The following NLRP4 variants were observed in gnomAD, a reference collection of about 807,000 sequenced individuals.
NLRP4 encodes the protein NACHT, LRR and PYD domains-containing protein 4.
A neutral mutation model predicts 84.7 loss-of-function variants in NLRP4; 44 were observed. That is an observed-to-expected ratio of 0.52 (90% CI 0.41 to 0.67). The LOEUF (loss-of-function observed/expected upper bound fraction) is 0.67, where lower values mean the gene tolerates loss of function less well. Ranked by LOEUF, NLRP4 falls within the 30% of genes least tolerant of loss-of-function variation. The probability of loss-of-function intolerance (pLI) is 0.00; values close to 1 mark genes in which losing one functional copy is unlikely to be tolerated. For missense variants in NLRP4, 1,260 were observed against 1,219.4 expected (o/e 1.03, Z -0.50); for synonymous variants, 544 against 476.4 (o/e 1.14, Z -1.85).
intron 1 of NLRP4, among the ~76,000 whole-genome samples, chr19:55,849,664 G>A (rs555443451): frequency 1.3e-5 from 2 of 152,260 alleles, no homozygotes; most frequent in Non-Finnish European, 1.5e-5. Flanking sequence ...GTCAAAATGA[G>A]TTGGCTACAT....
In NLRP4 at chr19:55,858,512, C is replaced by G; in HGVS notation, c.1119C>G (p.Ser373=). 6.2e-7 allele frequency: 1 copy of G among 1,614,154 alleles called. No individual in the cohort carries two copies. The highest frequency in any genetic ancestry group is 8.5e-7 in the Non-Finnish European group (1 of 1,180,022). The part of the protein sequence containing the change: ...LTCQSTTSVY[S]SFVFNLFTPE... Reference sequence around the variant, plus strand: ...GCCAGAGCACTACCTCTGTGTACTCCTCTTTCGTCTTTAACCTGTTCACAC... The same window carrying G: ...GCCAGAGCACTACCTCTGTGTACTCGTCTTTCGTCTTTAACCTGTTCACAC... The change falls in exon 3 of 10, where the codon TCC becomes TCG. Residue 373 remains serine, a synonymous_variant. Transcript: ENST00000301295. This position sits in a 1 kb window ranked among gnomAD's most constrained non-coding sequence, Gnocchi z 4.2.
intron 3 of NLRP4, among the ~76,000 whole-genome samples, chr19:55,860,326 C>T (rs1984700153): frequency 6.6e-6 from 1 of 152,176 alleles, no homozygotes; most frequent in Admixed American, 6.5e-5. Flanking sequence ...CCTATAACCC[C>T]AACACTTTGA....
At chr19:55,851,732 G>A (rs558701430) in intron 1 of NLRP4, among the ~76,000 whole-genome samples, 4 of 149,666 alleles carry the variant, frequency 2.7e-5, no homozygotes, top group East Asian at 3.9e-4. Flanking sequence ...TGTAATTTCC[G>A]AAGCTGCGGT....
At chr19:55,849,994 A>AG (rs1568658330) in intron 1 of NLRP4, among the ~76,000 whole-genome samples, 372 of 10,218 alleles carry the variant, frequency 0.036, 14 homozygotes, top group Non-Finnish European at 0.054. Context: ...AATTTCCGAG[A>AG]CTGCGGTGTG....
intron 1 of NLRP4, among the ~76,000 whole-genome samples, chr19:55,839,168 C>T (rs1983508462): frequency 4.6e-5 from 7 of 152,030 alleles, no homozygotes; most frequent in Admixed American, 4.6e-4. Context: ...GAATGTTCCC[C>T]TCCCTGTGTC....
intron 1 of NLRP4, among the ~76,000 whole-genome samples, chr19:55,850,143 T>G (rs866611052): frequency 7.4e-6 from 1 of 135,888 alleles, no homozygotes; most frequent in African/African-American, 3.2e-5. Context: ...GGCTGCGGTG[T>G]AATTTCCGAG....
At chr19:55,851,950 A>T (rs1984178757) in intron 1 of NLRP4, 66 bp from the exon 2 acceptor site, 2 of 705,164 alleles carry the variant, frequency 2.8e-6, no homozygotes, top group Non-Finnish European at 4.9e-6. Context: ...CTAGCAAGAT[A>T]CTATATAATG....
intron 7 of NLRP4, among the ~76,000 whole-genome samples, chr19:55,872,987 C>G (rs1304795117): frequency 6.6e-6 from 1 of 152,082 alleles, no homozygotes; most frequent in Non-Finnish European, 1.5e-5. Flanking sequence ...AACCAGAGGG[C>G]AGTACAGTGA....
intron 6 of NLRP4, among the ~76,000 whole-genome samples, chr19:55,869,167 A>T (rs1368868871): frequency 6.6e-6 from 1 of 152,010 alleles, no homozygotes; most frequent in East Asian, 1.9e-4. Context: ...AGACTCTGTG[A>T]GTTGGTGAAA....
rs118119679 is a variant in NLRP4 at position 55,860,729 on chromosome 19, G to A, written c.1857-657G>A. 1.2e-3 allele frequency among the ~76,000 whole-genome samples: 179 copies of A among 152,326 alleles called. 2 individuals carry two copies. In the East Asian group the frequency reaches 0.03, roughly 26 times the overall value. On this transcript the variant is annotated intron_variant, in intron 3 of 9. Coordinates refer to ENST00000301295, the MANE Select transcript of NLRP4 (RefSeq NM_134444.5). Reference sequence around the variant, plus strand: ...AGAGTTTTAGGGCTGAGCCTAGGCTGAAGATGTCGACTTAATGGCTGGGCT... The same window carrying A: ...AGAGTTTTAGGGCTGAGCCTAGGCTAAAGATGTCGACTTAATGGCTGGGCT...
intron 1 of NLRP4, among the ~76,000 whole-genome samples, chr19:55,839,303 G>A (rs988665743): frequency 7.3e-5 from 11 of 150,584 alleles, no homozygotes; most frequent in Non-Finnish European, 1.5e-4. Flanking sequence ...CTATGCCTCA[G>A]TTTGAGTGTG....
Position 55,858,647 on chromosome 19 carries a change from C to T in NLRP4, c.1254C>T (p.Asp418=), listed in dbSNP as rs780538969. 12 of 1,614,148 alleles carry T rather than the reference C, an allele frequency of 7.4e-6. No individual in the cohort carries two copies. The highest frequency in any genetic ancestry group is 1.7e-5 in the Admixed American group (1 of 60,014). The change falls in exon 3 of 10, where the codon GAC becomes GAT. Residue 418 remains aspartate, a synonymous_variant. Coordinates refer to ENST00000301295, the MANE Select transcript of NLRP4 (RefSeq NM_134444.5). This position sits in a 1 kb window ranked among gnomAD's most constrained non-coding sequence, Gnocchi z 4.2. ...ACACATTTGAGTTTTGTGAAGACGACCTCCGGAGAAATGGGGTTGTTGACG... is the reference window on the plus strand; with the variant it reads ...ACACATTTGAGTTTTGTGAAGACGATCTCCGGAGAAATGGGGTTGTTGACG... ...WTDTFEFCED[D]LRRNGVVDAD... is the part of the protein sequence containing the mutation.
At chr19:55,861,255 G>A (rs1388581019) in intron 3 of NLRP4, 131 bp from the exon 4 acceptor site, 11 of 727,828 alleles carry the variant, frequency 1.5e-5, no homozygotes, top group Admixed American at 1.1e-4. Context: ...GAAGGGTCCC[G>A]TTCCTTCTGA....
intron 1 of NLRP4, among the ~76,000 whole-genome samples, chr19:55,846,497 CAA>C (rs913649711): frequency 6.6e-6 from 1 of 152,128 alleles, no homozygotes; most frequent in Non-Finnish European, 1.5e-5. Flanking sequence ...TGTTCTTGCC[CAA>C]AGTCATTCTT....
Position 55,869,401 on chromosome 19 carries a change from C to T in NLRP4, c.2355-1426C>T, listed in dbSNP as rs559036218. 5.3e-5 allele frequency among the ~76,000 whole-genome samples: 8 copies of T among 150,870 alleles called. No individual in the cohort carries two copies. The South Asian group carries it at 1.5e-3, about 28-fold the overall frequency. On this transcript the variant is annotated intron_variant, in intron 6 of 9. Coordinates refer to ENST00000301295, the MANE Select transcript of NLRP4 (RefSeq NM_134444.5). ...AATAAACCAAAAAAAAAACAAAAAACAACAAAGTCCACAAATGCCTGGATA... is the reference window on the plus strand; with the variant it reads ...AATAAACCAAAAAAAAAACAAAAAATAACAAAGTCCACAAATGCCTGGATA...
intron 2 of NLRP4, among the ~76,000 whole-genome samples, chr19:55,856,641 A>G (rs575816154): frequency 9.4e-4 from 140 of 148,412 alleles, no homozygotes; most frequent in African/African-American, 3.2e-3. Flanking sequence ...TCAGCCTCCC[A>G]AGTAGCTGGG....
intron 9 of NLRP4, among the ~76,000 whole-genome samples, chr19:55,879,201 C>T (rs537138921): frequency 3.3e-5 from 5 of 152,126 alleles, no homozygotes; most frequent in Non-Finnish European, 7.3e-5. Context: ...TCTGGGGTAA[C>T]ACCCGAGGTT....
In NLRP4 at chr19:55,857,864, A is replaced by C; in HGVS notation, c.471A>C (p.Gln157His). ...GTACAGTGATCATTCAAGGACCACA[A>C]GGAATTGGAAAAACGACACTCCTGA... ...QPRTVIIQGP[Q>H]GIGKTTLLMK... is the part of the protein sequence containing the mutation. Residue 157 changes from glutamine (Q) to histidine (H), a missense_variant, in exon 3 of 10, where the codon CAA (glutamine) becomes CAC (histidine). Physicochemically the swap from Gln to His is conservative, Grantham distance 24 (BLOSUM62 0). Coordinates refer to ENST00000301295, the MANE Select transcript of NLRP4 (RefSeq NM_134444.5). 1 of 1,614,056 alleles carries C rather than the reference A, an allele frequency of 6.2e-7. No individual in the cohort carries two copies. Among genetic ancestry groups the C allele is most frequent in the Non-Finnish European group, 8.5e-7 (1 of 1,179,920 alleles).
intron 1 of NLRP4, among the ~76,000 whole-genome samples, chr19:55,851,192 A>T (rs865971427): frequency 1.5e-3 from 33 of 22,582 alleles, no homozygotes; most frequent in African/African-American, 0.011. Flanking sequence ...GTAATGTCCG[A>T]GGCTGCGGTG....
Sources: gnomAD v4.1 joint callset for allele counts (sites outside exome capture counted in the v4.1 genomes callset) on GRCh38, gnomAD v4.1.1 for gene constraint, Gnocchi (gnomAD v3.1) non-coding constraint, MANE v1.5 for transcripts, NCBI Gene and HGNC (gene_info 2026-07-23, HGNC 2026-07-21) for gene names.